The following PDE8B variants were observed in gnomAD, a reference collection of about 807,000 sequenced individuals.
PDE8B encodes high affinity cAMP-specific and IBMX-insensitive 3',5'-cyclic phosphodiesterase 8B.
PDE8B carries 26 observed loss-of-function variants against 101.3 expected under a neutral mutation model. The ratio of observed to expected loss-of-function variants is 0.26; its 90% CI spans 0.19 to 0.36. The LOEUF is 0.36. Ranked by LOEUF, PDE8B falls within the 10% of genes least tolerant of loss-of-function variation. The pLI, the probability that PDE8B is intolerant of heterozygous loss-of-function variation, is 1.00. For missense variants in PDE8B, 810 were observed against 1,163.1 expected (o/e 0.70, Z 4.42); for synonymous variants, 424 against 429.3 (o/e 0.99, Z 0.15).
At chr5:77,092,294 CTCTT>C in the PDE8B span, among the ~76,000 whole-genome samples, 1 of 151,962 alleles carries the variant, frequency 6.6e-6, no homozygotes, top group African/African-American at 2.4e-5. Context: ...AATCAGAAAT[CTCTT>C]TCTTGTGTTA....
intron 7 of PDE8B, among the ~76,000 whole-genome samples, chr5:77,345,222 A>G (rs55878208): frequency 0.13 from 19,349 of 152,264 alleles, 1,410 homozygotes; most frequent in East Asian, 0.3. Context: ...AGGCTGTAGT[A>G]CAGAGGTAAT....
At chr5:77,129,490 CTACCTTAGA>C in the PDE8B span, among the ~76,000 whole-genome samples, 1 of 150,910 alleles carries the variant, frequency 6.6e-6, no homozygotes. Flanking sequence ...GATCACATTT[CTACCTTAGA>C]AATGGATTAC....
In PDE8B at chr5:77,404,931, C is replaced by G. The variant is rs1165699465; in HGVS notation, c.1288+134C>G. 4.5e-6 allele frequency: 3 copies of G among 672,924 alleles called. No individual in the cohort carries two copies. In the African/African-American group the frequency reaches 5.4e-5, roughly 12 times the overall value. The allele number at this position is 672,924 out of a possible 1,614,324, so 41.7% of individuals were successfully genotyped here. A position where few individuals can be genotyped will look rare whatever the true frequency, so the allele number is the denominator to read the frequency against. ...ACACCGACTTATTTTTCAATAAGCTCAAAGGTTTTAGGGGTTTTAATTATT... is the reference window on the plus strand; with the variant it reads ...ACACCGACTTATTTTTCAATAAGCTGAAAGGTTTTAGGGGTTTTAATTATT... On this transcript the variant is annotated intron_variant, in intron 12 of 21. Coordinates refer to ENST00000264917, the MANE Select transcript of PDE8B (RefSeq NM_003719.5).
chr5:77,128,370 C>T, the PDE8B span, among the ~76,000 whole-genome samples: 1 of 152,166 alleles, frequency 6.6e-6, no homozygotes, highest in Non-Finnish European at 1.5e-5. Context: ...TAAAGATCTC[C>T]CAAGGGCTGG....
the PDE8B span, among the ~76,000 whole-genome samples, chr5:77,164,609 C>T: frequency 6.6e-6 from 1 of 152,188 alleles, no homozygotes; most frequent in Non-Finnish European, 1.5e-5. Flanking sequence ...GGCACACTAG[C>T]TTCATATCCA....
chr5:77,412,013 A>T, intron 15 of PDE8B, 87 bp from the exon 16 acceptor site: 1 of 1,356,556 alleles, frequency 7.4e-7, no homozygotes, highest in Admixed American at 1.7e-5. Flanking sequence ...CTTTTTTTCT[A>T]GTAGTAACTA....
intron 1 of PDE8B, among the ~76,000 whole-genome samples, chr5:77,292,997 AATCT>A (rs1767721339): frequency 6.6e-6 from 1 of 152,064 alleles, no homozygotes; most frequent in Non-Finnish European, 1.5e-5. Flanking sequence ...TTAAAATTTT[AATCT>A]ATCTGGAAGT....
chr5:77,139,212 G>T, the PDE8B span: 2 of 152,368 alleles, frequency 1.3e-5, no homozygotes, highest in Admixed American at 1.3e-4. Flanking sequence ...TCTCTGCAGG[G>T]AGCCCCCCTG....
At chr5:77,358,120 G>A (rs1423964276) in intron 10 of PDE8B, among the ~76,000 whole-genome samples, 1 of 152,164 alleles carries the variant, frequency 6.6e-6, no homozygotes, top group Non-Finnish European at 1.5e-5. Context: ...TCCAGCTTCT[G>A]GCAAACCATG....
chr5:77,128,580 C>G, the PDE8B span, among the ~76,000 whole-genome samples: 1 of 152,138 alleles, frequency 6.6e-6, no homozygotes, highest in African/African-American at 2.4e-5. Flanking sequence ...GAGGCAAGGT[C>G]AGGTTATGCC....
At chr5:77,130,846 G>T in the PDE8B span, among the ~76,000 whole-genome samples, 1 of 152,182 alleles carries the variant, frequency 6.6e-6, no homozygotes, top group East Asian at 1.9e-4. Context: ...TTGTAGAAAA[G>T]AGATTATGGA....
intron 6 of PDE8B, among the ~76,000 whole-genome samples, chr5:77,338,101 G>A (rs562466179): frequency 6.6e-6 from 1 of 152,210 alleles, no homozygotes; most frequent in African/African-American, 2.4e-5. Flanking sequence ...GGAGCTTCAG[G>A]CTGTGTGATG....
chr5:77,357,181 G>T (rs1226986661), intron 10 of PDE8B, among the ~76,000 whole-genome samples: 3 of 152,188 alleles, frequency 2.0e-5, no homozygotes, highest in Non-Finnish European at 4.4e-5. Flanking sequence ...GTCCTACTGA[G>T]TGTACTCAGG....
intron 1 of PDE8B, among the ~76,000 whole-genome samples, chr5:77,227,854 C>G (rs916723613): frequency 6.6e-6 from 1 of 152,122 alleles, no homozygotes; most frequent in African/African-American, 2.4e-5. Context: ...GGTTGCTTCC[C>G]TAGGTGAGTT....
the PDE8B span, among the ~76,000 whole-genome samples, chr5:77,123,982 A>G: frequency 2.0e-3 from 311 of 152,328 alleles, no homozygotes; most frequent in Non-Finnish European, 3.2e-3. Context: ...AACAGTTTGA[A>G]GTGGGGCTAA....
intron 10 of PDE8B, among the ~76,000 whole-genome samples, chr5:77,395,350 C>T (rs1790805650): frequency 6.6e-6 from 1 of 151,260 alleles, no homozygotes; most frequent in Non-Finnish European, 1.5e-5. Flanking sequence ...CTCCTGACCT[C>T]ATGATCCGCC....
the PDE8B span, among the ~76,000 whole-genome samples, chr5:77,164,032 T>G: frequency 6.6e-6 from 1 of 152,258 alleles, no homozygotes; most frequent in South Asian, 2.1e-4. Flanking sequence ...GATGAAATTC[T>G]AAATAGCTCA....
chr5:77,172,797 C>T, the PDE8B span, among the ~76,000 whole-genome samples: 2 of 152,212 alleles, frequency 1.3e-5, no homozygotes, highest in African/African-American at 4.8e-5. Context: ...AAACCTGGGA[C>T]AGGCAGTGGG....
chr5:77,253,786 G>A (rs985197339), intron 1 of PDE8B, among the ~76,000 whole-genome samples: 1 of 151,932 alleles, frequency 6.6e-6, no homozygotes, highest in Non-Finnish European at 1.5e-5. Flanking sequence ...TGATATCATT[G>A]GTCACAAATG....
Sources: allele counts gnomAD v4.1 joint callset (sites outside exome capture counted in the v4.1 genomes callset), GRCh38; gene constraint gnomAD v4.1.1; transcripts MANE v1.5; gene names NCBI Gene and HGNC (gene_info 2026-07-23, HGNC 2026-07-21).